Variants in VPS8 observed in about 807,000 individuals in gnomAD.
The protein encoded by VPS8 is VPS8 subunit of CORVET complex, also known as vacuolar protein sorting-associated protein 8 homolog.
VPS8 carries 129 observed loss-of-function variants against 216.4 expected under a neutral mutation model. The ratio of observed to expected loss-of-function variants is 0.60; its 90% CI spans 0.52 to 0.69. The LOEUF (loss-of-function observed/expected upper bound fraction) is 0.69. Ranked by LOEUF, VPS8 falls within the 30% of genes least tolerant of loss-of-function variation. The probability of loss-of-function intolerance (pLI) is 0.00; values close to 1 mark genes in which losing one functional copy is unlikely to be tolerated. For missense variants in VPS8, 1,531 were observed against 1,683.5 expected (o/e 0.91, Z 1.59); for synonymous variants, 571 against 565.4 (o/e 1.01, Z -0.14).
intron 28 of VPS8, 137 bp downstream of exon 28, chr3:184,915,611 C>G (rs958789586): frequency 9.1e-6 from 8 of 881,264 alleles, no homozygotes; most frequent in Middle Eastern, 3.9e-4. Context: ...GAGTTCCAGA[C>G]CAGCCTGGTC....
At chr3:184,980,402 G>A (rs1285454142) in intron 40 of VPS8, among the ~76,000 whole-genome samples, 1 of 151,386 alleles carries the variant, frequency 6.6e-6, no homozygotes. Flanking sequence ...ATGTTTTCCA[G>A]GTTGCTTGTC....
chr3:184,867,520 G>A (rs1168672599), intron 17 of VPS8, among the ~76,000 whole-genome samples: 1 of 152,122 alleles, frequency 6.6e-6, no homozygotes, highest in Non-Finnish European at 1.5e-5. Context: ...CTCCTTCTTG[G>A]ACTGTAGACC....
intron 3 of VPS8, among the ~76,000 whole-genome samples, chr3:184,830,361 A>G (rs1428081765): frequency 6.6e-6 from 1 of 152,118 alleles, no homozygotes; most frequent in African/African-American, 2.4e-5. Context: ...GTAGTTTAAA[A>G]TCTTCCAGCT....
chr3:184,972,048 C>T (rs1216868479), intron 40 of VPS8, among the ~76,000 whole-genome samples: 1 of 149,994 alleles, frequency 6.7e-6, no homozygotes, highest in Non-Finnish European at 1.5e-5. Context: ...TGCACTCCAG[C>T]CCTGGGCAAC....
At chr3:184,851,426 A>G (rs998416311) in intron 10 of VPS8, among the ~76,000 whole-genome samples, 2 of 152,004 alleles carry the variant, frequency 1.3e-5, no homozygotes, top group African/African-American at 4.8e-5. Context: ...CCTGTATCTC[A>G]TCAATAACAA....
chr3:184,894,651 A>G (rs1011227632), intron 22 of VPS8, 52 bp from the exon 23 acceptor site: 2 of 1,370,716 alleles, frequency 1.5e-6, no homozygotes, highest in Non-Finnish European at 2.0e-6. Context: ...ACTAAATTTA[A>G]TGGATATTTG....
intron 46 of VPS8, 111 bp from the exon 47 acceptor site, chr3:185,048,368 T>A: frequency 9.3e-7 from 1 of 1,070,188 alleles, no homozygotes. Flanking sequence ...GCATGGATTG[T>A]TTTCAGGAGA....
rs1175685295 is a variant in VPS8 at position 184,915,020 on chromosome 3, C to T, written c.2229C>T (p.Ile743=). 1 of 1,614,000 alleles carries T rather than the reference C, an allele frequency of 6.2e-7. No homozygotes were observed. Among genetic ancestry groups the T allele is most frequent in the Admixed American group, 1.7e-5 (1 of 60,028 alleles). ...LAGRAYPLGD[I]PEDLVPLVKN... ...GTCGTGCCTATCCCCTTGGTGACAT[C>T]CCTGAAGATCTGGTTCCCTTGGTTA... Residue 743 remains isoleucine (I), a synonymous_variant, in exon 27 of 48, where the codon ATC becomes ATT. Coordinates refer to ENST00000625842, the MANE Select transcript of VPS8 (RefSeq NM_001009921.3).
chr3:184,891,376 G>A (rs1288490342), intron 22 of VPS8, among the ~76,000 whole-genome samples: 2 of 152,132 alleles, frequency 1.3e-5, no homozygotes, highest in African/African-American at 4.8e-5. Flanking sequence ...ACTTGTTGAG[G>A]AACTGGATGT....
rs547034133 is a variant in VPS8, at chr3:185,052,167, G to A, written c.*142G>A. The A allele has an allele frequency of 2.7e-5, 23 of 857,328 alleles. 1 individual carries two copies. The highest frequency in any genetic ancestry group is 3.6e-4 in the Middle Eastern group (1 of 2,750). 53.1% of individuals were successfully genotyped at this position (857,328 alleles called of 1,614,324 possible). ...CAAATTGGGCTTCTGTGCCCAGAGC[G>A]TCCACAGCACCATTCCCAGTGTAGA... On this transcript the variant is annotated 3_prime_UTR_variant, in exon 48 of 48. Transcript: ENST00000625842.
intron 25 of VPS8, among the ~76,000 whole-genome samples, chr3:184,911,828 T>C (rs1455341932): frequency 1.3e-5 from 2 of 152,116 alleles, no homozygotes; most frequent in Admixed American, 6.5e-5. Context: ...TGTAAGCAGA[T>C]TGTCAACATA....
At chr3:184,961,611 A>T (rs1746519427) in intron 37 of VPS8, among the ~76,000 whole-genome samples, 1 of 151,602 alleles carries the variant, frequency 6.6e-6, no homozygotes, top group African/African-American at 2.4e-5. Flanking sequence ...CTTCTGATCT[A>T]TGTTTTGAAT....
chr3:184,828,178 C>T (rs146443233), intron 3 of VPS8, among the ~76,000 whole-genome samples: 3,550 of 152,216 alleles, frequency 0.023, 127 homozygotes, highest in African/African-American at 0.081. Context: ...CTCACTCCAT[C>T]GCCCAGGCTG....
rs568444751 is a variant in VPS8 at position 184,878,044 on chromosome 3, A to G, written c.1734+7239A>G. ...TTTGAAACAACGTAGAGGTATAAAT[A>G]ATGAGGCATTTTAATGCTGTAATGT... On this transcript the variant is annotated intron_variant, in intron 21 of 47. Coordinates refer to ENST00000625842, the MANE Select transcript of VPS8 (RefSeq NM_001009921.3). Among the ~76,000 whole-genome samples the G allele has an allele frequency of 7.9e-5, 12 of 152,280 alleles. No individual in the cohort carries two copies. The East Asian group carries it at 2.3e-3, about 29-fold the overall frequency.
At chr3:184,967,461 A>C (rs1747608015) in intron 39 of VPS8, among the ~76,000 whole-genome samples, 1 of 152,206 alleles carries the variant, frequency 6.6e-6, no homozygotes, top group Non-Finnish European at 1.5e-5. Context: ...AAAAGTTGAC[A>C]ATTTAGTATC....
At chr3:184,910,767 A>C (rs1334540803) in intron 25 of VPS8, among the ~76,000 whole-genome samples, 1 of 152,168 alleles carries the variant, frequency 6.6e-6, no homozygotes, top group East Asian at 1.9e-4. Context: ...TGCAGTTCAG[A>C]GTACGCTTAC....
intron 4 of VPS8, 106 bp downstream of exon 4, chr3:184,832,925 A>G (rs1047980962): frequency 2.9e-6 from 4 of 1,357,624 alleles, no homozygotes; most frequent in African/African-American, 3.0e-5. Flanking sequence ...GAAGCCTTGC[A>G]TGGGAAGTAG....
chr3:184,978,705 T>C (rs557343649), intron 40 of VPS8, among the ~76,000 whole-genome samples: 1 of 152,324 alleles, frequency 6.6e-6, no homozygotes, highest in East Asian at 1.9e-4. Flanking sequence ...GCCTCTCTTT[T>C]TCTTACTAGT....
chr3:185,002,734 A>G, intron 45 of VPS8, among the ~76,000 whole-genome samples: 1 of 152,242 alleles, frequency 6.6e-6, no homozygotes, highest in East Asian at 1.9e-4. Flanking sequence ...TACTTCACTT[A>G]GAATAATGGT....
Sources: gnomAD v4.1 joint callset for allele counts (sites outside exome capture counted in the v4.1 genomes callset) on GRCh38, gnomAD v4.1.1 for gene constraint, MANE v1.5 for transcripts, NCBI Gene and HGNC (gene_info 2026-07-23, HGNC 2026-07-21) for gene names.